Variants in RAB38 observed in about 807,000 individuals in gnomAD.
RAB38 encodes RAB38, member RAS oncogene family.
Under a neutral mutation model 18.4 loss-of-function variants are expected in RAB38, and 15 were observed. The observed-to-expected ratio is 0.82, with a 90% confidence interval of 0.55 to 1.26. The LOEUF (loss-of-function observed/expected upper bound fraction) is 1.26. Ranked by LOEUF, RAB38 falls within the 50% of genes most tolerant of loss-of-function variation. The pLI is 0.00. For missense variants in RAB38, 294 were observed against 267.4 expected, an observed-to-expected ratio of 1.10 and a Z score of -0.69; for synonymous variants, 101 against 104.4, an observed-to-expected ratio of 0.97 and a Z score of 0.20.
chr11:87,977,958 T>C, the RAB38 span, among the ~76,000 whole-genome samples: 1 of 113,038 alleles, frequency 8.8e-6, no homozygotes, highest in Non-Finnish European at 1.7e-5. Flanking sequence ...ATATAATATA[T>C]AAATAAGATA....
intron 1 of RAB38, among the ~76,000 whole-genome samples, chr11:88,150,616 T>C (rs951374943): frequency 1.3e-5 from 2 of 152,212 alleles, no homozygotes; most frequent in African/African-American, 2.4e-5. Flanking sequence ...CCATGAGAAA[T>C]GTGATTTACA....
chr11:88,077,524 C>A, the RAB38 span, among the ~76,000 whole-genome samples: 2 of 152,072 alleles, frequency 1.3e-5, no homozygotes, highest in African/African-American at 2.4e-5. Flanking sequence ...CTCATTTCAA[C>A]AAGGGAGCCA....
chr11:88,036,167 T>C, the RAB38 span, among the ~76,000 whole-genome samples: 1 of 152,140 alleles, frequency 6.6e-6, no homozygotes, highest in Non-Finnish European at 1.5e-5. Flanking sequence ...CTGGATCATT[T>C]TGATATGTAC....
At chr11:88,092,379 A>AGG in the RAB38 span, among the ~76,000 whole-genome samples, 1 of 4,510 alleles carries the variant, frequency 2.2e-4, no homozygotes, top group African/African-American at 8.2e-4. Flanking sequence ...AGAGAGAGAG[A>AGG]GAGAGAGAGA....
chr11:88,157,073 C>T (rs934507584), intron 1 of RAB38, among the ~76,000 whole-genome samples: 1 of 152,166 alleles, frequency 6.6e-6, no homozygotes, highest in African/African-American at 2.4e-5. Flanking sequence ...AAACAAAACC[C>T]ATCCGTATGC....
At chr11:87,886,656 T>C in the RAB38 span, among the ~76,000 whole-genome samples, 9 of 151,994 alleles carry the variant, frequency 5.9e-5, no homozygotes, top group African/African-American at 2.2e-4. Flanking sequence ...ACAAACACTT[T>C]TATTTAAATT....
the RAB38 span, among the ~76,000 whole-genome samples, chr11:87,855,549 T>A: frequency 6.6e-6 from 1 of 152,146 alleles, no homozygotes; most frequent in African/African-American, 2.4e-5. Context: ...ATTCTATTAT[T>A]AAAGTTAGGT....
At chr11:87,871,248 A>G in the RAB38 span, among the ~76,000 whole-genome samples, 2 of 151,622 alleles carry the variant, frequency 1.3e-5, no homozygotes, top group Non-Finnish European at 3.0e-5. Context: ...TTCCAGAGCA[A>G]CAGACTGTGA....
the RAB38 span, among the ~76,000 whole-genome samples, chr11:88,031,271 C>T: frequency 6.6e-6 from 1 of 151,850 alleles, no homozygotes; most frequent in Non-Finnish European, 1.5e-5. Flanking sequence ...CAGCCAACAT[C>T]ATACTGAATG....
At chr11:88,079,039 G>GA in the RAB38 span, among the ~76,000 whole-genome samples, 11 of 151,428 alleles carry the variant, frequency 7.3e-5, no homozygotes, top group South Asian at 4.2e-4. Flanking sequence ...TAGAAAGTAG[G>GA]AAAAAAATAG....
chr11:87,831,937 A>AGG, the RAB38 span, among the ~76,000 whole-genome samples: 1 of 152,188 alleles, frequency 6.6e-6, no homozygotes, highest in Admixed American at 6.6e-5. Context: ...AGGGTAATTA[A>AGG]GGGGACCTGG....
chr11:88,027,575 G>A, the RAB38 span, among the ~76,000 whole-genome samples: 23 of 152,236 alleles, frequency 1.5e-4, no homozygotes, highest in South Asian at 8.3e-4. Context: ...ATTATATCCC[G>A]CAACTGGCTG....
At chr11:87,963,054 G>A in the RAB38 span, among the ~76,000 whole-genome samples, 5 of 152,056 alleles carry the variant, frequency 3.3e-5, no homozygotes, top group African/African-American at 9.7e-5. Flanking sequence ...AGCTATTTAT[G>A]AATCACAGTG....
At chr11:87,952,910 G>T in the RAB38 span, among the ~76,000 whole-genome samples, 2 of 152,158 alleles carry the variant, frequency 1.3e-5, no homozygotes, top group East Asian at 3.9e-4. Context: ...TAACCACTGT[G>T]TTTGTGTCTT....
At chr11:87,889,487 G>C in the RAB38 span, among the ~76,000 whole-genome samples, 1 of 151,760 alleles carries the variant, frequency 6.6e-6, no homozygotes, top group Non-Finnish European at 1.5e-5. Flanking sequence ...AATTATTATA[G>C]TTATCAATAA....
chr11:87,930,235 C>T, the RAB38 span, among the ~76,000 whole-genome samples: 497 of 152,036 alleles, frequency 3.3e-3, 2 homozygotes, highest in African/African-American at 0.01. Context: ...TGTTGTTTCC[C>T]GACTTTTTAA....
chr11:87,834,984 C>A, the RAB38 span, among the ~76,000 whole-genome samples: 1 of 152,190 alleles, frequency 6.6e-6, no homozygotes, highest in Non-Finnish European at 1.5e-5. Flanking sequence ...AGGCTTCAAC[C>A]TAGATCTGCC....
chr11:87,896,643 C>A, the RAB38 span, among the ~76,000 whole-genome samples: 2 of 151,540 alleles, frequency 1.3e-5, no homozygotes, highest in Admixed American at 6.6e-5. Flanking sequence ...GTCTTTTAGA[C>A]CAACATTTCC....
At chr11:87,858,178 G>T in the RAB38 span, among the ~76,000 whole-genome samples, 1 of 152,048 alleles carries the variant, frequency 6.6e-6, no homozygotes, top group Admixed American at 6.6e-5. Context: ...GGTTGTAGGT[G>T]TGTCATATTA....
Sources: allele counts gnomAD v4.1 joint callset (sites outside exome capture counted in the v4.1 genomes callset), GRCh38; gene constraint gnomAD v4.1.1; transcripts MANE v1.5; gene names NCBI Gene and HGNC (gene_info 2026-07-23, HGNC 2026-07-21).